Variants in ZNF184 observed in about 807,000 individuals in gnomAD.
The protein encoded by ZNF184 is zinc finger protein 184 (Kruppel-like).
In ZNF184, 16 loss-of-function variants were observed where a neutral mutation model predicts 54.4. The observed-to-expected ratio is 0.29, with a 90% CI of 0.20 to 0.45. The LOEUF is 0.45. Ranked by LOEUF, ZNF184 falls within the 20% of genes least tolerant of loss-of-function variation. The pLI is 1.00. For missense variants in ZNF184, 681 were observed against 888.2 expected (o/e 0.77, Z 2.97); for synonymous variants, 254 against 295.3 (o/e 0.86, Z 1.43).
chr6:27,441,349 G>A, the ZNF184 span, among the ~76,000 whole-genome samples: 1 of 152,136 alleles, frequency 6.6e-6, no homozygotes, highest in Non-Finnish European at 1.5e-5. Flanking sequence ...CCGAGTATCT[G>A]GGACTACAGC....
intron 2 of ZNF184, among the ~76,000 whole-genome samples, chr6:27,471,424 T>C (rs1350496435): frequency 5.3e-5 from 8 of 152,204 alleles, no homozygotes; most frequent in Non-Finnish European, 1.0e-4. Flanking sequence ...GTAAAAAAGA[T>C]CTAAAGTTTA....
chr6:27,420,199 G>C, the ZNF184 span, among the ~76,000 whole-genome samples: 1 of 152,148 alleles, frequency 6.6e-6, no homozygotes, highest in African/African-American at 2.4e-5. Context: ...TGCTTCTATG[G>C]ATTATAATAT....
At chr6:27,442,290 G>A in the ZNF184 span, among the ~76,000 whole-genome samples, 3 of 152,036 alleles carry the variant, frequency 2.0e-5, 1 homozygote, top group East Asian at 3.9e-4. Flanking sequence ...TGTATTTGCC[G>A]TACTTACCTT....
At chr6:27,466,480 A>T (rs1441109907) in intron 3 of ZNF184, among the ~76,000 whole-genome samples, 1 of 152,222 alleles carries the variant, frequency 6.6e-6, no homozygotes, top group Non-Finnish European at 1.5e-5. Context: ...GTTTACCAAG[A>T]TGTACCACAT....
At chr6:27,415,412 A>T in the ZNF184 span, among the ~76,000 whole-genome samples, 1 of 152,182 alleles carries the variant, frequency 6.6e-6, no homozygotes, top group African/African-American at 2.4e-5. Flanking sequence ...GAAAAGACTG[A>T]CACTGTTGGA....
intron 3 of ZNF184, among the ~76,000 whole-genome samples, chr6:27,467,629 C>T (rs1227527061): frequency 1.3e-5 from 2 of 152,088 alleles, no homozygotes; most frequent in Non-Finnish European, 2.9e-5. Flanking sequence ...ACTTCTTTTG[C>T]TCTCCCATCC....
chr6:27,410,227 G>A, the ZNF184 span, among the ~76,000 whole-genome samples: 2 of 152,174 alleles, frequency 1.3e-5, no homozygotes, highest in South Asian at 4.1e-4. Flanking sequence ...CACATTATGG[G>A]AAGAGGAAAT....
At chr6:27,436,440 A>G in the ZNF184 span, among the ~76,000 whole-genome samples, 4 of 152,366 alleles carry the variant, frequency 2.6e-5, no homozygotes, top group South Asian at 2.1e-4. Context: ...CTGGGATTAC[A>G]GGCATGAGCC....
the ZNF184 span, among the ~76,000 whole-genome samples, chr6:27,442,864 A>AAGAAAGAAAG: frequency 2.5e-5 from 2 of 79,408 alleles, no homozygotes; most frequent in African/African-American, 8.3e-5. Flanking sequence ...GAAAGAAAGA[A>AAGAAAGAAAG]AGAAAGAAAG....
chr6:27,472,331 C>A lies in ZNF184; in HGVS notation c.-37G>T, dbSNP rs371797805. 6.1e-5 allele frequency: 98 copies of A among 1,613,964 alleles called. No homozygotes were observed. The African/African-American group carries it at 1.1e-3, about 18-fold the overall frequency. ...ATCCCGTTCCTCTGGAACTTGAACACCAGGGTTCGCCAGGCAGCGTTCCTT... is the reference window on the plus strand; with the variant it reads ...ATCCCGTTCCTCTGGAACTTGAACAACAGGGTTCGCCAGGCAGCGTTCCTT... On this transcript the variant is annotated 5_prime_UTR_variant, in exon 2 of 6. Coordinates refer to ENST00000683788, the MANE Select transcript of ZNF184 (RefSeq NM_001318891.2). This position sits in a 1 kb window ranked among gnomAD's most constrained non-coding sequence, Gnocchi z 4.8.
the ZNF184 span, among the ~76,000 whole-genome samples, chr6:27,422,494 A>C: frequency 6.7e-6 from 1 of 148,384 alleles, no homozygotes; most frequent in African/African-American, 2.5e-5. Context: ...ACAAAACGAC[A>C]AAAAAAAAAT....
the ZNF184 span, among the ~76,000 whole-genome samples, chr6:27,424,171 T>C: frequency 6.6e-6 from 1 of 152,162 alleles, no homozygotes; most frequent in African/African-American, 2.4e-5. Context: ...TTGCGGTAAG[T>C]GTTAGAGCTC....
At chr6:27,433,333 TA>T in the ZNF184 span, among the ~76,000 whole-genome samples, 2 of 152,254 alleles carry the variant, frequency 1.3e-5, no homozygotes, top group African/African-American at 4.8e-5. Context: ...ATTTTCTTTA[TA>T]TTTTTTACTG....
intron 5 of ZNF184, among the ~76,000 whole-genome samples, chr6:27,455,298 G>C (rs1259753216): frequency 2.0e-5 from 3 of 152,114 alleles, no homozygotes; most frequent in Admixed American, 2.0e-4. Context: ...TCACTGACCA[G>C]GTAAGTGGAA....
chr6:27,446,831 G>A (rs887450923), downstream of ZNF184, among the ~76,000 whole-genome samples: 9 of 152,152 alleles, frequency 5.9e-5, no homozygotes, highest in Non-Finnish European at 1.5e-5. Context: ...AGAGTCAAAG[G>A]AGATTATTCT....
chr6:27,424,331 A>G, the ZNF184 span, among the ~76,000 whole-genome samples: 90,404 of 152,012 alleles, frequency 0.59, 27,230 homozygotes, highest in Middle Eastern at 0.75. Context: ...TGCAAAGAGT[A>G]AAAGAACAAA....
the ZNF184 span, among the ~76,000 whole-genome samples, chr6:27,407,215 G>A: frequency 3.3e-5 from 5 of 152,238 alleles, no homozygotes; most frequent in Non-Finnish European, 5.9e-5. Flanking sequence ...ACTTGTGGGG[G>A]ACGTAGGCAG....
chr6:27,406,032 C>T, the ZNF184 span: 2 of 152,256 alleles, frequency 1.3e-5, no homozygotes, highest in South Asian at 2.1e-4. Flanking sequence ...GGCCTCCAAA[C>T]CAGCAAAAGA....
the ZNF184 span, among the ~76,000 whole-genome samples, chr6:27,431,905 A>T: frequency 6.6e-6 from 1 of 152,186 alleles, no homozygotes; most frequent in East Asian, 1.9e-4. Flanking sequence ...ACACACACTA[A>T]AGGAGTAAGA....
Sources: gnomAD v4.1 joint callset for allele counts (sites outside exome capture counted in the v4.1 genomes callset) on GRCh38, gnomAD v4.1.1 for gene constraint, Gnocchi (gnomAD v3.1) non-coding constraint, MANE v1.5 for transcripts, NCBI Gene and HGNC (gene_info 2026-07-23, HGNC 2026-07-21) for gene names.